The following ATG7 variants were observed in gnomAD, a reference collection of about 807,000 sequenced individuals.
ATG7 encodes the protein ubiquitin-like modifier-activating enzyme ATG7.
ATG7 carries 70 observed loss-of-function variants against 82.4 expected under a neutral mutation model. The observed-to-expected ratio is 0.85, with a 90% CI of 0.70 to 1.04. The LOEUF is 1.04. ATG7 is among the 50% of genes least tolerant of loss of function. ATG7 has a pLI of 0.00. For missense variants in ATG7, 792 were observed against 864.3 expected (o/e 0.92, Z 1.05); for synonymous variants, 287 against 313.0 (o/e 0.92, Z 0.88).
intron 20 of ATG7, among the ~76,000 whole-genome samples, chr3:11,453,211 G>A (rs894912627): frequency 1.8e-4 from 28 of 152,210 alleles, no homozygotes; most frequent in African/African-American, 4.8e-4. Context: ...GACGGGGGGC[G>A]TGGGCCTTGC....
chr3:11,501,722 C>T (rs1031100723), intron 20 of ATG7, among the ~76,000 whole-genome samples: 1 of 152,114 alleles, frequency 6.6e-6, no homozygotes, highest in Non-Finnish European at 1.5e-5. Context: ...CAGAGTCTCC[C>T]TCTGTTGCCC....
At chr3:11,511,551 T>A (rs1036189710) in intron 20 of ATG7, among the ~76,000 whole-genome samples, 2 of 152,234 alleles carry the variant, frequency 1.3e-5, no homozygotes, top group African/African-American at 2.4e-5. Flanking sequence ...GATCCTGCAC[T>A]GGGGCTGCAG....
At chr3:11,437,888 A>G (rs2083504977) in intron 20 of ATG7, among the ~76,000 whole-genome samples, 1 of 152,228 alleles carries the variant, frequency 6.6e-6, no homozygotes, top group Admixed American at 6.5e-5. Flanking sequence ...TCACAGAACA[A>G]CAAAGAATAA....
chr3:11,535,691 G>A (rs1464929321), intron 20 of ATG7, among the ~76,000 whole-genome samples: 1 of 151,264 alleles, frequency 6.6e-6, no homozygotes, highest in Non-Finnish European at 1.5e-5. Context: ...TTTCAACCAG[G>A]CTCCTTGGTA....
At chr3:11,389,977 T>C (rs1281913191) in intron 19 of ATG7, among the ~76,000 whole-genome samples, 4 of 152,254 alleles carry the variant, frequency 2.6e-5, no homozygotes, top group Non-Finnish European at 4.4e-5. Flanking sequence ...AGTTGTACTT[T>C]GCATTTTCCT....
intron 20 of ATG7, among the ~76,000 whole-genome samples, chr3:11,503,480 C>T (rs114110405): frequency 0.011 from 1,630 of 151,930 alleles, 31 homozygotes; most frequent in African/African-American, 0.037. Context: ...ATATTCAGGC[C>T]GGGCGCAGTG....
the ATG7 span, among the ~76,000 whole-genome samples, chr3:11,564,192 G>T: frequency 1.3e-5 from 2 of 152,150 alleles, no homozygotes; most frequent in Admixed American, 6.5e-5. Context: ...TTTTTAAAAA[G>T]ATTTGTTTCT....
intron 19 of ATG7, among the ~76,000 whole-genome samples, chr3:11,382,653 A>G (rs1645359560): frequency 6.6e-6 from 1 of 152,244 alleles, no homozygotes; most frequent in Admixed American, 6.5e-5. Flanking sequence ...TAACTAGAGT[A>G]TTGTGGTGTT....
intron 19 of ATG7, among the ~76,000 whole-genome samples, chr3:11,395,939 CAAAAAAAAAAA>C (rs869125190): frequency 0.16 from 3,975 of 25,388 alleles, 187 homozygotes; most frequent in Middle Eastern, 0.25. Flanking sequence ...GACTCTGTCT[CAAAAAAAAAAA>C]AAAAAAAAAA....
chr3:11,509,520 T>G (rs189907890), intron 20 of ATG7, among the ~76,000 whole-genome samples: 1 of 152,134 alleles, frequency 6.6e-6, no homozygotes, highest in East Asian at 1.9e-4. Context: ...GCTGACAAAT[T>G]GTTTGTATTT....
At chr3:11,468,593 G>A (rs1006097247) in intron 20 of ATG7, among the ~76,000 whole-genome samples, 4 of 152,172 alleles carry the variant, frequency 2.6e-5, no homozygotes, top group Admixed American at 6.5e-5. Flanking sequence ...AGAGAGGGAC[G>A]TTCATGCTAT....
chr3:11,451,254 C>T (rs1486785262), intron 20 of ATG7, among the ~76,000 whole-genome samples: 1 of 148,884 alleles, frequency 6.7e-6, no homozygotes, highest in African/African-American at 2.5e-5. Context: ...CTCTGTCACC[C>T]AGGCTGGAGT....
At chr3:11,301,390 G>T (rs1946767092) in intron 5 of ATG7, among the ~76,000 whole-genome samples, 1 of 152,106 alleles carries the variant, frequency 6.6e-6, no homozygotes, top group Admixed American at 6.6e-5. Flanking sequence ...AGGTCTTTCT[G>T]GCTTTTGAAA....
intron 5 of ATG7, among the ~76,000 whole-genome samples, chr3:11,303,199 C>T (rs1947060117): frequency 1.3e-5 from 2 of 152,210 alleles, no homozygotes; most frequent in South Asian, 4.1e-4. Context: ...AGGGAAGGGA[C>T]ATTTATCACT....
intron 20 of ATG7, among the ~76,000 whole-genome samples, chr3:11,449,914 C>G (rs1199651553): frequency 6.6e-6 from 1 of 152,194 alleles, no homozygotes; most frequent in Non-Finnish European, 1.5e-5. Context: ...GCAGGGAAGC[C>G]CTGGAGTTGA....
chr3:11,558,498 C>T, downstream of ATG7: 1 of 1,091,560 alleles, frequency 9.2e-7, no homozygotes, highest in East Asian at 4.5e-5. Flanking sequence ...TAAGTACTGA[C>T]TGTTCAAAGC....
chr3:11,558,474 G>GGTT, downstream of ATG7: 2 of 1,238,914 alleles, frequency 1.6e-6, no homozygotes, highest in Non-Finnish European at 2.2e-6. Context: ...CCACCCCCAT[G>GGTT]ATTTTTTTTT....
chr3:11,304,729 G>C (rs1196387111), intron 5 of ATG7: 1 of 152,228 alleles, frequency 6.6e-6, no homozygotes, highest in Non-Finnish European at 1.5e-5. Context: ...AGCAGGCCCA[G>C]TCTTCCGGCC....
chr3:11,388,002 G>A (rs1209903868), intron 19 of ATG7, among the ~76,000 whole-genome samples: 1 of 152,054 alleles, frequency 6.6e-6, no homozygotes, highest in Non-Finnish European at 1.5e-5. Context: ...CAATTTCAGA[G>A]GCTTCATGAA....
Sources: allele counts gnomAD v4.1 joint callset (sites outside exome capture counted in the v4.1 genomes callset), GRCh38; gene constraint gnomAD v4.1.1; transcripts MANE v1.5; gene names NCBI Gene and HGNC (gene_info 2026-07-23, HGNC 2026-07-21).